The following TMEM39B variants were observed in gnomAD, a reference collection of about 807,000 sequenced individuals.
TMEM39B encodes transmembrane protein 39B.
TMEM39B carries 23 observed loss-of-function variants against 52.2 expected under a neutral mutation model. The observed-to-expected ratio is 0.44, with a 90% CI of 0.32 to 0.62. The LOEUF (loss-of-function observed/expected upper bound fraction) is 0.62, where lower values mean the gene tolerates loss of function less well. Among genes scored for constraint, TMEM39B ranks in the 20% least tolerant of loss-of-function variants. The probability of loss-of-function intolerance (pLI) is 0.06; values close to 1 mark genes in which losing one functional copy is unlikely to be tolerated. For synonymous variants in TMEM39B, 285 were observed against 264.0 expected, an observed-to-expected ratio of 1.08 and a Z score of -0.77; for missense variants, 547 against 642.0, an observed-to-expected ratio of 0.85 and a Z score of 1.60.
Position 32,075,758 on chromosome 1 carries a change from A to G in TMEM39B, c.287A>G (p.Tyr96Cys). 1 of 1,551,050 alleles carries G rather than the reference A, an allele frequency of 6.4e-7. No individual in the cohort carries two copies. Among genetic ancestry groups the G allele is most frequent in the Non-Finnish European group, 8.7e-7 (1 of 1,146,558 alleles). Reference protein sequence around the residue: ...FCQLIALFVHYINIYKTVWWY... With the variant: ...FCQLIALFVHCINIYKTVWWY... The stretch of plus-strand genomic sequence containing the variant: ...CAGCTCATAGCACTCTTCGTCCACT[A>G]CATCAACATCTACAAGACAGTGTGG... The change falls in exon 3 of 9, where the codon TAC (tyrosine) becomes TGC (cysteine). Residue 96 changes from tyrosine (Y) to cysteine (C), a missense_variant. Physicochemically the swap from Tyr to Cys is radical, Grantham distance 194. Transcript: ENST00000336294.
At chr1:32,087,619 C>T (rs1027873026) in intron 5 of TMEM39B, 3 of 149,944 alleles carry the variant, frequency 2.0e-5, no homozygotes, top group African/African-American at 7.3e-5. Context: ...GTGAAACTGT[C>T]TCAAAATAAT....
intron 5 of TMEM39B, among the ~76,000 whole-genome samples, chr1:32,082,276 C>T (rs929978047): frequency 6.6e-6 from 1 of 152,082 alleles, no homozygotes; most frequent in Non-Finnish European, 1.5e-5. Context: ...TATGTAACCA[C>T]ATTTAAGCCT....
chr1:32,081,480 G>T (rs971685595), intron 5 of TMEM39B, among the ~76,000 whole-genome samples: 1 of 152,136 alleles, frequency 6.6e-6, no homozygotes, highest in African/African-American at 2.4e-5. Context: ...AAGCGTGGTG[G>T]CTCACGCTTG....
intron 5 of TMEM39B, among the ~76,000 whole-genome samples, chr1:32,082,716 A>T (rs983458676): frequency 1.3e-5 from 2 of 151,840 alleles, no homozygotes; most frequent in Non-Finnish European, 2.9e-5. Flanking sequence ...TTGGCCTCCC[A>T]AAGTGCTGGG....
In TMEM39B at chr1:32,094,721, GAAGGAA is replaced by G. The variant is rs1640748027; in HGVS notation, c.928-61_928-56del. The G allele has an allele frequency of 2.1e-5, 33 of 1,574,746 alleles. No homozygotes were observed. The South Asian group carries it at 3.5e-4, about 17-fold the overall frequency. On this transcript the variant is annotated intron_variant, in intron 6 of 8. Transcript: ENST00000336294. ...AACCTCTCAGTCAGGTAGAATCAGG[GAAGGAA>G]AGGGAATGAGGCCATTATGGGGATC...
At chr1:32,094,073 C>T (rs540373385) in intron 6 of TMEM39B, among the ~76,000 whole-genome samples, 1 of 148,304 alleles carries the variant, frequency 6.7e-6, no homozygotes, top group East Asian at 2.0e-4. Context: ...CCACCTTGGC[C>T]TCCCAAAGTG....
intron 2 of TMEM39B, 124 bp from the exon 3 acceptor site, chr1:32,075,479 T>C: frequency 7.1e-6 from 7 of 988,668 alleles, no homozygotes; most frequent in Non-Finnish European, 1.0e-5. Context: ...CAAGCAGGAT[T>C]AGGAAGACCC....
chr1:32,072,175 C>A (rs960276088), upstream of TMEM39B: 6 of 152,196 alleles, frequency 3.9e-5, no homozygotes, highest in African/African-American at 1.2e-4. Context: ...AAGCACTGTG[C>A]TAAGCAATGG....
chr1:32,088,126 C>CA (rs1335353344), intron 5 of TMEM39B, among the ~76,000 whole-genome samples: 65 of 102,732 alleles, frequency 6.3e-4, no homozygotes, highest in Admixed American at 2.0e-3. Context: ...ACTCCATCTC[C>CA]AAAAAAAAAA....
intron 6 of TMEM39B, among the ~76,000 whole-genome samples, chr1:32,094,053 T>C (rs1203617357): frequency 8.2e-5 from 12 of 145,972 alleles, no homozygotes; most frequent in African/African-American, 2.8e-4. Flanking sequence ...CTCCTGACCT[T>C]GTGATCCACC....
chr1:32,094,217 C>T (rs1640726227), intron 6 of TMEM39B, among the ~76,000 whole-genome samples: 1 of 142,484 alleles, frequency 7.0e-6, no homozygotes, highest in Non-Finnish European at 1.5e-5. Flanking sequence ...ACCTCTGCCT[C>T]CCAGGTTCAA....
chr1:32,100,553 C>G lies in TMEM39B; in HGVS notation c.1227C>G (p.Phe409Leu), dbSNP rs769130312. The G allele has an allele frequency of 1.3e-5, 21 of 1,614,082 alleles. No homozygotes were observed. The highest frequency in any genetic ancestry group is 1.8e-5 in the Non-Finnish European group (21 of 1,180,014). Residue 409 changes from phenylalanine to leucine, a missense_variant, in exon 8 of 9, where the codon TTC becomes TTG. Phe to Leu is a conservative substitution (Grantham distance 22). Transcript: ENST00000336294. ...CTATCCCCTCTGACGTCTCCCACTT[C>G]CGCTTCCATGTGAGTCTCCTCCCCG... ...NVAIPSDVSH[F>L]RFHFFFSKPL...
Position 32,102,778 on chromosome 1 carries a change from T to C in TMEM39B, c.*105T>C, listed in dbSNP as rs1641069072. 3 of 1,300,380 alleles carry C rather than the reference T, an allele frequency of 2.3e-6. No homozygotes were observed. Among genetic ancestry groups the C allele is most frequent in the Non-Finnish European group, 3.0e-6 (3 of 988,722 alleles). 80.6% of individuals were successfully genotyped at this position (1,300,380 alleles called of 1,614,324 possible). ...GTGGGGGGGACAAAAGACAAAAAAA[T>C]CCACCAGAGCTTTGTATTTTTGTTA... On this transcript the variant is annotated 3_prime_UTR_variant, in exon 9 of 9. Transcript: ENST00000336294.
intron 5 of TMEM39B, 117 bp from the exon 6 acceptor site, chr1:32,091,558 C>T (rs1397231887): frequency 1.7e-6 from 2 of 1,183,944 alleles, no homozygotes; most frequent in Non-Finnish European, 2.3e-6. Flanking sequence ...GTAAATTCTC[C>T]CCTCTGGGCA....
rs1641064191 is a variant in TMEM39B at position 32,102,670 on chromosome 1, C to T, written c.1476C>T (p.Ser492=). The change falls in exon 9 of 9, where the codon TCC becomes TCT. Residue 492 remains serine, a synonymous_variant. Coordinates refer to ENST00000336294, the MANE Select transcript of TMEM39B (RefSeq NM_018056.4). The stretch of plus-strand genomic sequence containing the variant: ...AGAGAGACCTGGACCACCGTTTCTC[C>T]TGAGCCCTGGGGTCACCTCAGGGAC... ...SPQRDLDHRF[S] The T allele has an allele frequency of 2.6e-6, 4 of 1,566,654 alleles. No homozygotes were observed. Among genetic ancestry groups the T allele is most frequent in the Non-Finnish European group, 1.7e-6 (2 of 1,153,972 alleles).
chr1:32,102,830 G>A lies in TMEM39B; in HGVS notation c.*157G>A. 5 of 880,510 alleles carry A rather than the reference G, an allele frequency of 5.7e-6. No homozygotes were observed. Among genetic ancestry groups the A allele is most frequent in the Non-Finnish European group, 7.8e-6 (5 of 642,772 alleles). The allele number at this position is 880,510 out of a possible 1,614,324, so 54.5% of individuals were successfully genotyped here. A position where few individuals can be genotyped will look rare whatever the true frequency, so the allele number is the denominator to read the frequency against. ...GTACTGTTTCTTTGATAATTGATGT[G>A]ATAAGGAAAAAAGTCCTATTTTTAT... On this transcript the variant is annotated 3_prime_UTR_variant, in exon 9 of 9. Transcript: ENST00000336294.
At position 32,091,751 on chromosome 1, in the gene TMEM39B, A is replaced by G. The variant is rs200803971; in HGVS notation, c.667A>G (p.Met223Val). 2.3e-4 allele frequency: 373 copies of G among 1,614,020 alleles called. 1 individual carries two copies. The highest frequency in any genetic ancestry group is 2.7e-4 in the Non-Finnish European group (324 of 1,180,028). ...KTSLFNHMAS[M>V]GPREAVSGLA... ...AAGCCTCTTCAACCACATGGCCTCC[A>G]TGGGGCCCCGGGAGGCGGTCAGTGG... Residue 223 changes from methionine to valine, a missense_variant, in exon 6 of 9, where the codon ATG becomes GTG. Met to Val is a conservative substitution (Grantham distance 21, BLOSUM62 1). Coordinates refer to ENST00000336294, the MANE Select transcript of TMEM39B (RefSeq NM_018056.4).
At chr1:32,093,487 C>G (rs1055139854) in intron 6 of TMEM39B, among the ~76,000 whole-genome samples, 1 of 138,224 alleles carries the variant, frequency 7.2e-6, no homozygotes, top group African/African-American at 2.7e-5. Context: ...TCTTGGCTCA[C>G]TGCAGCCTTT....
chr1:32,081,127 C>CCCGCCTCCAGAT (rs1553228481), intron 5 of TMEM39B, among the ~76,000 whole-genome samples: 1 of 151,850 alleles, frequency 6.6e-6, no homozygotes, highest in African/African-American at 2.4e-5. Flanking sequence ...AGTCTCCAAT[C>CCCGCCTCCAGAT]CCGCCTCCAG....
Sources: gnomAD v4.1 joint callset for allele counts (sites outside exome capture counted in the v4.1 genomes callset) on GRCh38, gnomAD v4.1.1 for gene constraint, MANE v1.5 for transcripts, NCBI Gene and HGNC (gene_info 2026-07-23, HGNC 2026-07-21) for gene names.